The following MECOM variants were observed in gnomAD, a reference collection of about 807,000 sequenced individuals.
MECOM encodes the protein MDS1 and EVI1 complex locus.
A neutral mutation model predicts 116.3 loss-of-function variants in MECOM; 13 were observed. The ratio of observed to expected loss-of-function variants is 0.11; its 90% CI spans 0.07 to 0.18. The LOEUF is 0.18. MECOM is among the 10% of genes least tolerant of loss of function. The probability of loss-of-function intolerance (pLI) is 1.00; values close to 1 mark genes in which losing one functional copy is unlikely to be tolerated. For missense variants in MECOM, 1,299 were observed against 1,509.0 expected (o/e 0.86, Z 2.31); for synonymous variants, 528 against 535.2 (o/e 0.99, Z 0.19).
chr3:169,191,770 G>GAA (rs1167564451), intron 2 of MECOM, among the ~76,000 whole-genome samples: 192 of 136,614 alleles, frequency 1.4e-3, no homozygotes, highest in African/African-American at 5.2e-3. Context: ...AAGAAAGAAA[G>GAA]AAAGAAAGAA....
At chr3:169,289,022 G>A (rs904569401) in intron 2 of MECOM, among the ~76,000 whole-genome samples, 2 of 152,176 alleles carry the variant, frequency 1.3e-5, no homozygotes, top group East Asian at 1.9e-4. Context: ...GGTGGACGTC[G>A]TTGCATTTAT....
At chr3:169,494,978 A>T (rs1045124225) in intron 1 of MECOM, among the ~76,000 whole-genome samples, 5 of 152,144 alleles carry the variant, frequency 3.3e-5, no homozygotes, top group African/African-American at 1.2e-4. Flanking sequence ...TCTAGCTTAA[A>T]TCTTCCCTGT....
chr3:169,542,971 A>C (rs10513674), intron 1 of MECOM, among the ~76,000 whole-genome samples: 31,802 of 152,256 alleles, frequency 0.21, 4,391 homozygotes, highest in East Asian at 0.68. Flanking sequence ...AAGTGCCACA[A>C]TTAGATGTTT....
At chr3:169,424,129 T>C (rs1740238128) in intron 1 of MECOM, among the ~76,000 whole-genome samples, 1 of 152,102 alleles carries the variant, frequency 6.6e-6, no homozygotes, top group Non-Finnish European at 1.5e-5. Context: ...CCTGTAGTTA[T>C]TCCAATTGAA....
At chr3:169,208,117 G>A (rs1027614362) in intron 2 of MECOM, among the ~76,000 whole-genome samples, 4 of 151,810 alleles carry the variant, frequency 2.6e-5, no homozygotes, top group African/African-American at 9.7e-5. Context: ...AGCTGGCAAC[G>A]AGTCTGAGAT....
rs563774881 is a variant in MECOM at position 169,330,280 on chromosome 3, T to TCC, written c.375+50905_375+50906dup. On this transcript the variant is annotated intron_variant, in intron 2 of 16. Transcript: ENST00000651503. ...CTCAAGAGATTCTCCAACCTTGGCC[T>TCC]CCCTAAGTGCTGGGATTTCAGGCAT... Among the ~76,000 whole-genome samples, 41 of 152,234 alleles carry TCC rather than the reference T, an allele frequency of 2.7e-4. 2 individuals are homozygous for TCC. In the South Asian group the frequency reaches 6.0e-3, roughly 22 times the overall value.
intron 12 of MECOM, among the ~76,000 whole-genome samples, chr3:169,096,442 T>C (rs1560128982): frequency 6.6e-6 from 1 of 152,076 alleles, no homozygotes; most frequent in Non-Finnish European, 1.5e-5. Flanking sequence ...GGCTAATTTT[T>C]GTATTTTTGT....
chr3:169,319,453 T>C (rs925707383), intron 2 of MECOM, among the ~76,000 whole-genome samples: 9 of 151,902 alleles, frequency 5.9e-5, no homozygotes, highest in African/African-American at 2.2e-4. Context: ...GGGATAACAT[T>C]AGGAGAAATA....
In MECOM at chr3:169,157,329, G is replaced by A. The variant is rs147011921; in HGVS notation, c.376-13497C>T. On this transcript the variant is annotated intron_variant, in intron 2 of 16. Coordinates refer to ENST00000651503, the MANE Select transcript of MECOM (RefSeq NM_004991.4). The stretch of plus-strand genomic sequence containing the variant: ...CGTTAAGAAACAATGAATGTGTTAA[G>A]TCATTATCAATGATTTCATGAAACA... Among the ~76,000 whole-genome samples, 181 of 152,260 alleles carry A rather than the reference G, an allele frequency of 1.2e-3. 1 individual carries two copies. Among genetic ancestry groups the A allele is most frequent in the Non-Finnish European group, 2.1e-3 (143 of 68,014 alleles).
chr3:169,299,866 T>C (rs1716379054), intron 2 of MECOM, among the ~76,000 whole-genome samples: 1 of 152,222 alleles, frequency 6.6e-6, no homozygotes, highest in South Asian at 2.1e-4. Context: ...ATAATTTTTT[T>C]TACAAATAGG....
chr3:169,380,941 T>A (rs1732288442), intron 2 of MECOM, among the ~76,000 whole-genome samples: 1 of 152,186 alleles, frequency 6.6e-6, no homozygotes, highest in African/African-American at 2.4e-5. Flanking sequence ...CTTCTTCCTT[T>A]AGTATTTTTT....
intron 1 of MECOM, among the ~76,000 whole-genome samples, chr3:169,576,643 A>G (rs1764527823): frequency 6.6e-6 from 1 of 152,128 alleles, no homozygotes; most frequent in Non-Finnish European, 1.5e-5. Context: ...TCATAATAGC[A>G]TATACTCTGT....
chr3:169,364,145 G>A (rs111905627), intron 2 of MECOM, among the ~76,000 whole-genome samples: 4 of 151,990 alleles, frequency 2.6e-5, no homozygotes, highest in African/African-American at 9.6e-5. Context: ...ATGTTCTAAG[G>A]TTCCTGCCTT....
intron 1 of MECOM, among the ~76,000 whole-genome samples, chr3:169,421,573 T>C (rs1166681882): frequency 6.6e-6 from 1 of 152,116 alleles, no homozygotes; most frequent in East Asian, 1.9e-4. Context: ...TCCTTTGATC[T>C]CTTTCTTCCT....
intron 2 of MECOM, among the ~76,000 whole-genome samples, chr3:169,196,924 A>G (rs1480248382): frequency 6.6e-6 from 1 of 152,094 alleles, no homozygotes; most frequent in Non-Finnish European, 1.5e-5. Flanking sequence ...AATGCTCATC[A>G]ACAGTGGACT....
At chr3:169,364,115 C>T (rs1728773401) in intron 2 of MECOM, among the ~76,000 whole-genome samples, 1 of 151,874 alleles carries the variant, frequency 6.6e-6, no homozygotes, top group Non-Finnish European at 1.5e-5. Flanking sequence ...TACTCAGCAA[C>T]TTTTGAGCTT....
At chr3:169,624,893 A>G (rs1284747862) in intron 1 of MECOM, among the ~76,000 whole-genome samples, 1 of 152,136 alleles carries the variant, frequency 6.6e-6, no homozygotes, top group African/African-American at 2.4e-5. Flanking sequence ...TATTTTTACC[A>G]GCCCCTCTGG....
chr3:169,240,965 A>G (rs1374488411), intron 2 of MECOM, among the ~76,000 whole-genome samples: 1 of 152,160 alleles, frequency 6.6e-6, no homozygotes, highest in Non-Finnish European at 1.5e-5. Context: ...TATTTCAGCC[A>G]CCAGCAATGT....
chr3:169,371,248 TA>T (rs1730056938), intron 2 of MECOM, among the ~76,000 whole-genome samples: 1 of 151,892 alleles, frequency 6.6e-6, no homozygotes, highest in Non-Finnish European at 1.5e-5. Flanking sequence ...CTAAGTGAAA[TA>T]AGCCAAACAC....
Sources: allele counts gnomAD v4.1 joint callset (sites outside exome capture counted in the v4.1 genomes callset), GRCh38; gene constraint gnomAD v4.1.1; transcripts MANE v1.5; gene names NCBI Gene and HGNC (gene_info 2026-07-23, HGNC 2026-07-21).